MARK4: variants seen among roughly 807,000 people sequenced by gnomAD.
The protein encoded by MARK4 is microtubule affinity regulating kinase 4.
MARK4 carries 19 observed loss-of-function variants against 81.5 expected under a neutral mutation model. That is an observed-to-expected ratio of 0.23 (90% CI 0.16 to 0.34). The LOEUF (loss-of-function observed/expected upper bound fraction) is 0.34. Ranked by LOEUF, MARK4 falls within the 10% of genes least tolerant of loss-of-function variation. The probability of loss-of-function intolerance (pLI) is 1.00; values close to 1 mark genes in which losing one functional copy is unlikely to be tolerated. For missense variants in MARK4, 772 were observed against 1,058.8 expected (o/e 0.73, Z 3.76); for synonymous variants, 436 against 439.0 (o/e 0.99, Z 0.08).
intron 14 of MARK4, among the ~76,000 whole-genome samples, chr19:45,296,942 C>A (rs1970895179): frequency 6.6e-6 from 1 of 151,466 alleles, no homozygotes; most frequent in Admixed American, 6.6e-5. Flanking sequence ...CCCAGCTACT[C>A]AGGAGGCTGA....
intron 15 of MARK4, among the ~76,000 whole-genome samples, chr19:45,298,926 A>T (rs1970928070): frequency 6.6e-6 from 1 of 151,718 alleles, no homozygotes. Flanking sequence ...AAAGTAAATA[A>T]ATTGGCCGGG....
chr19:45,270,182 C>T (rs773023498), intron 7 of MARK4, among the ~76,000 whole-genome samples: 19 of 152,202 alleles, frequency 1.2e-4, no homozygotes, highest in Non-Finnish European at 2.5e-4. Flanking sequence ...GAGCACTTTA[C>T]GCTTAAACCC....
At position 45,251,576 on chromosome 19, in the gene MARK4, G is replaced by A; in HGVS notation, c.-13G>A. ...CCCACCCGGCCGCCCCTGCCCCCCG[G>A]GACCCGGAGAAGATGTCTTCGCGGA... On this transcript the variant is annotated 5_prime_UTR_variant, in exon 1 of 17. Coordinates refer to ENST00000262891, the MANE Select transcript of MARK4 (RefSeq NM_001199867.2). 9.9e-7 allele frequency: 1 copy of A among 1,013,006 alleles called. No individual in the cohort carries two copies. Among genetic ancestry groups the A allele is most frequent in the South Asian group, 2.2e-5 (1 of 46,306 alleles). The allele number at this position is 1,013,006 out of a possible 1,614,324, so 62.8% of individuals were successfully genotyped here. A position where few individuals can be genotyped will look rare whatever the true frequency, so the allele number is the denominator to read the frequency against.
chr19:45,263,281 C>A (rs775342451), intron 3 of MARK4, 38 bp from the exon 4 acceptor site: 2 of 1,614,174 alleles, frequency 1.2e-6, no homozygotes, highest in South Asian at 2.2e-5. Context: ...AGCCACCCAC[C>A]CTCACTCTCC....
chr19:45,253,191 A>G (rs345417), intron 1 of MARK4, among the ~76,000 whole-genome samples: 6 of 145,278 alleles, frequency 4.1e-5, no homozygotes, highest in African/African-American at 1.0e-4. Flanking sequence ...AGACCCCCCC[A>G]CACACACACA....
chr19:45,280,637 C>T lies in MARK4; in HGVS notation c.1179C>T (p.Thr393=). Residue 393 remains threonine, a synonymous_variant, in exon 12 of 17, where the codon ACC becomes ACT. Transcript: ENST00000262891. ...ALARVRAPSD[T]TNGTSSSKGT... is the part of the protein sequence containing the mutation. ...CACGGGTGCGGGCGCCCAGCGACAC[C>T]ACCAACGGAACAAGTTCCAGCAAAG... The T allele has an allele frequency of 4.3e-6, 7 of 1,614,148 alleles. No individual in the cohort carries two copies. The highest frequency in any genetic ancestry group is 4.2e-6 in the Non-Finnish European group (5 of 1,180,004).
intron 12 of MARK4, among the ~76,000 whole-genome samples, chr19:45,286,870 G>T (rs190969851): frequency 4.6e-4 from 70 of 152,228 alleles, no homozygotes; most frequent in Admixed American, 3.3e-3. Context: ...ATAACACATT[G>T]TTGACCCATC....
chr19:45,279,078 A>C (rs1970638969), intron 10 of MARK4, among the ~76,000 whole-genome samples: 1 of 151,414 alleles, frequency 6.6e-6, no homozygotes, highest in African/African-American at 2.4e-5. Context: ...ATAAAAAATT[A>C]GCCAGTTGTG....
chr19:45,289,628 G>A (rs894554454), intron 13 of MARK4, among the ~76,000 whole-genome samples: 1 of 151,234 alleles, frequency 6.6e-6, no homozygotes, highest in East Asian at 2.0e-4. Context: ...AACTTAGCCA[G>A]GCGTGGTGGT....
rs1970622967 is a variant in MARK4, at chr19:45,277,938, G to A, written c.802G>A (p.Val268Ile). Residue 268 changes from valine to isoleucine, a missense_variant, in exon 9 of 17, where the codon GTA (valine) becomes ATA (isoleucine). Val to Ile is a conservative substitution (Grantham distance 29). Around this residue, in one of 3 missense-constraint regions of MARK4, gnomAD observed 109 missense variants for 294.7 expected, o/e 0.37. Transcript: ENST00000262891. The part of the protein sequence containing the change: ...GHNLKELRER[V>I]LRGKYRVPFY... Reference sequence around the variant, plus strand: ...ATCCCTGCAGGAGCTGCGGGAGCGAGTACTCAGAGGGAAGTACCGGGTCCC... The same window carrying A: ...ATCCCTGCAGGAGCTGCGGGAGCGAATACTCAGAGGGAAGTACCGGGTCCC... The A allele has an allele frequency of 1.2e-6, 2 of 1,613,092 alleles. No homozygotes were observed. The highest frequency in any genetic ancestry group is 1.7e-6 in the Non-Finnish European group (2 of 1,179,738).
At chr19:45,276,228 T>C (rs994190589) in intron 8 of MARK4, among the ~76,000 whole-genome samples, 7 of 152,132 alleles carry the variant, frequency 4.6e-5, no homozygotes, top group Admixed American at 4.6e-4. Context: ...AGTCTCGCTG[T>C]GTTGCCCAGG....
At chr19:45,285,838 A>G (rs1970736061) in intron 12 of MARK4, among the ~76,000 whole-genome samples, 1 of 152,158 alleles carries the variant, frequency 6.6e-6, no homozygotes, top group South Asian at 2.1e-4. Context: ...GACCCTCTCA[A>G]GTTTGAGATC....
In MARK4 at chr19:45,305,020, G is replaced by A. The variant is rs1370467350; in HGVS notation, c.*2310G>A. The A allele has an allele frequency of 6.6e-6, 1 of 152,352 alleles. No homozygotes were observed. The highest frequency in any genetic ancestry group is 1.5e-5 in the Non-Finnish European group (1 of 68,200). The allele number at this position is 152,352 out of a possible 1,614,324, so 9.4% of individuals were successfully genotyped here. On this transcript the variant is annotated 3_prime_UTR_variant, in exon 17 of 17. Coordinates refer to ENST00000262891, the MANE Select transcript of MARK4 (RefSeq NM_001199867.2). ...GGTTGTAGGTAGGGTAGAGATGGGC[G>A]GGTTTGTGCTATGTGCAGGGTGGAA...
At chr19:45,255,917 A>G (rs1020968510) in intron 1 of MARK4, among the ~76,000 whole-genome samples, 40 of 152,346 alleles carry the variant, frequency 2.6e-4, no homozygotes, top group South Asian at 8.3e-4. Context: ...GGGGCTTCCA[A>G]TCAGGCCAGG....
chr19:45,267,774 C>T (rs1206034511), intron 7 of MARK4, among the ~76,000 whole-genome samples: 1 of 152,180 alleles, frequency 6.6e-6, no homozygotes, highest in Non-Finnish European at 1.5e-5. Flanking sequence ...AGTTCTCTCA[C>T]CTCAGCCTCC....
In MARK4 at chr19:45,280,718, C is replaced by T. The variant is rs1166938627; in HGVS notation, c.1260C>T (p.Arg420=). The T allele has an allele frequency of 8.1e-6, 13 of 1,614,038 alleles. No individual in the cohort carries two copies. Among genetic ancestry groups the T allele is most frequent in the Non-Finnish European group, 1.1e-5 (13 of 1,180,000 alleles). ...RSSSSTYHRQ[R]RHSDFCGPSP... is the part of the protein sequence containing the mutation. ...CCTCTTCCACCTACCACCGCCAGCGCAGGCATAGCGATTTCTGTGAGTATC... is the reference window on the plus strand; with the variant it reads ...CCTCTTCCACCTACCACCGCCAGCGTAGGCATAGCGATTTCTGTGAGTATC... Residue 420 remains arginine, a synonymous_variant, in exon 12 of 17, where the codon CGC becomes CGT. Transcript: ENST00000262891.
intron 14 of MARK4, among the ~76,000 whole-genome samples, chr19:45,296,601 C>G (rs1970890545): frequency 1.3e-5 from 2 of 152,246 alleles, no homozygotes; most frequent in South Asian, 4.1e-4. Flanking sequence ...TAGTCTCTGG[C>G]TGGGTGGCCA....
At position 45,279,904 on chromosome 19, in the gene MARK4, G is replaced by A. The variant is rs556159872; in HGVS notation, c.1007-470G>A. Among the ~76,000 whole-genome samples the A allele has an allele frequency of 2.0e-5, 3 of 152,262 alleles. No homozygotes were observed. The East Asian group carries it at 5.8e-4, about 29-fold the overall frequency. Reference sequence around the variant, plus strand: ...GAACACACTAATTAGCCAGACCTGGGTTATCCGCCTGCCTTAGGGTTGGAG... The same window carrying A: ...GAACACACTAATTAGCCAGACCTGGATTATCCGCCTGCCTTAGGGTTGGAG... On this transcript the variant is annotated intron_variant, in intron 10 of 16. Coordinates refer to ENST00000262891, the MANE Select transcript of MARK4 (RefSeq NM_001199867.2).
chr19:45,299,655 G>A (rs1263641354), intron 15 of MARK4, among the ~76,000 whole-genome samples, 156 bp from the exon 16 acceptor site: 1 of 152,168 alleles, frequency 6.6e-6, no homozygotes, highest in Non-Finnish European at 1.5e-5. Context: ...CCGTTATGGG[G>A]ATGGACAAGG....
Sources: gnomAD v4.1 joint callset for allele counts (sites outside exome capture counted in the v4.1 genomes callset) on GRCh38, gnomAD v4.1.1 for gene constraint, gnomAD v4.1.1 regional missense constraint, MANE v1.5 for transcripts, NCBI Gene and HGNC (gene_info 2026-07-23, HGNC 2026-07-21) for gene names.